The following CSMD1 variants were observed in gnomAD, a reference collection of about 807,000 sequenced individuals.
CSMD1 encodes the protein CUB and Sushi multiple domains 1.
Under a neutral mutation model 417.5 loss-of-function variants are expected in CSMD1, and 213 were observed. The observed-to-expected ratio is 0.51, with a 90% CI of 0.46 to 0.57. The LOEUF (loss-of-function observed/expected upper bound fraction) is 0.57, where lower values mean the gene tolerates loss of function less well. Ranked by LOEUF, CSMD1 falls within the 20% of genes least tolerant of loss-of-function variation. CSMD1 has a pLI of 0.00. For missense variants in CSMD1, 6,923 were observed against 4,529.7 expected, an observed-to-expected ratio of 1.53 and a Z score of -15.17; for synonymous variants, 2,862 against 1,736.8, an observed-to-expected ratio of 1.65 and a Z score of -16.11.
In CSMD1 at chr8:3,037,877, G is replaced by C. The variant is rs923417780; in HGVS notation, c.7661-8364C>G. 3.3e-5 allele frequency among the ~76,000 whole-genome samples: 5 copies of C among 152,232 alleles called. No individual in the cohort carries two copies. The East Asian group carries it at 7.7e-4, about 24-fold the overall frequency. On this transcript the variant is annotated intron_variant, in intron 50 of 69. Coordinates refer to ENST00000635120, the MANE Select transcript of CSMD1 (RefSeq NM_033225.6). ...TAAGTTCTAGCTTCTTCTTCCCCAAGATTTCCAACTGAATCTAGACCTTCA... is the reference window on the plus strand; with the variant it reads ...TAAGTTCTAGCTTCTTCTTCCCCAACATTTCCAACTGAATCTAGACCTTCA...
At chr8:3,061,669 G>A (rs1431012012) in intron 49 of CSMD1, among the ~76,000 whole-genome samples, 1 of 152,146 alleles carries the variant, frequency 6.6e-6, no homozygotes, top group African/African-American at 2.4e-5. Context: ...ATATACACAG[G>A]TGGTAGAAAT....
intron 53 of CSMD1, among the ~76,000 whole-genome samples, chr8:2,999,225 G>T (rs1433687213): frequency 7.1e-6 from 1 of 140,234 alleles, no homozygotes; most frequent in East Asian, 2.0e-4. Context: ...CACGATCTCT[G>T]CTCACTGCAA....
chr8:3,440,032 C>A (rs1418971808), intron 12 of CSMD1, among the ~76,000 whole-genome samples: 2 of 152,220 alleles, frequency 1.3e-5, no homozygotes, highest in Non-Finnish European at 2.9e-5. Context: ...CTTCCACCAA[C>A]ACCACATGGT....
At chr8:4,497,644 T>A (rs535291654) in intron 2 of CSMD1, among the ~76,000 whole-genome samples, 6 of 152,240 alleles carry the variant, frequency 3.9e-5, no homozygotes, top group African/African-American at 1.4e-4. Flanking sequence ...GAATGGGAAC[T>A]CGTGCCCCAG....
At chr8:3,517,854 A>G (rs1797346426) in intron 10 of CSMD1, among the ~76,000 whole-genome samples, 2 of 152,200 alleles carry the variant, frequency 1.3e-5, no homozygotes, top group South Asian at 4.1e-4. Flanking sequence ...GAAATCCTCA[A>G]CTGCAGGCTT....
intron 10 of CSMD1, among the ~76,000 whole-genome samples, chr8:3,499,706 C>T (rs1401529034): frequency 6.6e-6 from 1 of 151,956 alleles, no homozygotes; most frequent in Non-Finnish European, 1.5e-5. Flanking sequence ...ACTTCATGGT[C>T]TTGAGTGCTG....
intron 10 of CSMD1, among the ~76,000 whole-genome samples, chr8:3,522,849 T>A (rs1797564012): frequency 6.7e-6 from 1 of 150,194 alleles, no homozygotes; most frequent in African/African-American, 2.4e-5. Flanking sequence ...TAGATATATA[T>A]AATTATATAT....
chr8:3,702,924 G>A (rs1458529176), intron 7 of CSMD1, among the ~76,000 whole-genome samples: 3 of 152,216 alleles, frequency 2.0e-5, no homozygotes, highest in Non-Finnish European at 4.4e-5. Context: ...ATTTCAGGGT[G>A]AGAAAGAAAA....
At chr8:4,952,561 T>C (rs1239218575) in intron 1 of CSMD1, among the ~76,000 whole-genome samples, 1 of 152,100 alleles carries the variant, frequency 6.6e-6, no homozygotes, top group Admixed American at 6.6e-5. Flanking sequence ...TTTTAAATTT[T>C]CACTTTAAAA....
intron 8 of CSMD1, among the ~76,000 whole-genome samples, chr8:3,606,747 G>C (rs980201154): frequency 1.3e-5 from 2 of 150,160 alleles, no homozygotes; most frequent in Admixed American, 1.3e-4. Flanking sequence ...AGTCTCACTG[G>C]GTCCCCAGGC....
intron 7 of CSMD1, among the ~76,000 whole-genome samples, chr8:3,621,843 A>G (rs927580316): frequency 6.6e-5 from 10 of 152,002 alleles, no homozygotes; most frequent in Non-Finnish European, 1.5e-4. Flanking sequence ...TCCTGGGCTC[A>G]AACAATTCTC....
intron 2 of CSMD1, among the ~76,000 whole-genome samples, chr8:4,512,589 G>A (rs1802881179): frequency 6.6e-6 from 1 of 152,136 alleles, no homozygotes; most frequent in African/African-American, 2.4e-5. Flanking sequence ...TAGCAGGGTT[G>A]TAGGATACAA....
At chr8:4,180,467 G>A (rs898782522) in intron 3 of CSMD1, among the ~76,000 whole-genome samples, 28 of 150,822 alleles carry the variant, frequency 1.9e-4, no homozygotes, top group Non-Finnish European at 3.0e-4. Flanking sequence ...TAGGAGATAT[G>A]CCTAATGCTA....
At chr8:3,078,493 C>T (rs12547788) in intron 49 of CSMD1, among the ~76,000 whole-genome samples, 8,127 of 152,182 alleles carry the variant, frequency 0.053, 256 homozygotes, top group Non-Finnish European at 0.077. Context: ...ATATTGACGG[C>T]GTTGGACTCT....
chr8:4,343,521 A>C (rs1800601222), intron 3 of CSMD1, among the ~76,000 whole-genome samples: 1 of 152,126 alleles, frequency 6.6e-6, no homozygotes, highest in Admixed American at 6.6e-5. Context: ...ATCAAATATC[A>C]AATTGTACAA....
chr8:3,159,826 A>C (rs1425485070), intron 38 of CSMD1, among the ~76,000 whole-genome samples: 1 of 152,204 alleles, frequency 6.6e-6, no homozygotes, highest in Non-Finnish European at 1.5e-5. Flanking sequence ...CATTATAAGA[A>C]ATTTCTTTGG....
chr8:4,024,468 A>C (rs1796958004), intron 4 of CSMD1, among the ~76,000 whole-genome samples: 1 of 152,220 alleles, frequency 6.6e-6, no homozygotes, highest in East Asian at 1.9e-4. Flanking sequence ...ATGTTAGTAA[A>C]GTTGGGATGA....
intron 2 of CSMD1, among the ~76,000 whole-genome samples, chr8:4,592,097 T>C (rs1359534887): frequency 6.6e-6 from 1 of 152,112 alleles, no homozygotes; most frequent in South Asian, 2.1e-4. Context: ...TGCTGGTAGA[T>C]GTTTAACGAG....
At chr8:3,639,384 G>T (rs564634088) in intron 7 of CSMD1, among the ~76,000 whole-genome samples, 22 of 152,232 alleles carry the variant, frequency 1.4e-4, no homozygotes, top group African/African-American at 4.1e-4. Flanking sequence ...AATGAGTGAG[G>T]GTTCATCAAA....
Sources: gnomAD v4.1 joint callset for allele counts (sites outside exome capture counted in the v4.1 genomes callset) on GRCh38, gnomAD v4.1.1 for gene constraint, MANE v1.5 for transcripts, NCBI Gene and HGNC (gene_info 2026-07-23, HGNC 2026-07-21) for gene names.